Variants in SOX5 observed in about 807,000 individuals in gnomAD.
SOX5 encodes the protein SRY-box transcription factor 5.
In SOX5, 9 loss-of-function variants were observed where a neutral mutation model predicts 92.0. That is an observed-to-expected ratio of 0.10 (90% confidence interval 0.06 to 0.17). SOX5 has a LOEUF of 0.17. Among genes scored for constraint, SOX5 ranks in the 10% least tolerant of loss-of-function variants. The probability of loss-of-function intolerance (pLI) is 1.00; values close to 1 mark genes in which losing one functional copy is unlikely to be tolerated. For synonymous variants in SOX5, 344 were observed against 336.3 expected (o/e 1.02, Z -0.25); for missense variants, 642 against 944.5 (o/e 0.68, Z 4.20).
intron 4 of SOX5, among the ~76,000 whole-genome samples, chr12:24,085,161 C>T (rs1042188382): frequency 5.9e-5 from 9 of 152,130 alleles, no homozygotes; most frequent in African/African-American, 2.2e-4. Flanking sequence ...CTTTCTTTTG[C>T]CTGACCTTGC....
At chr12:24,460,469 A>G (rs921544605) in intron 1 of SOX5, 7 of 152,340 alleles carry the variant, frequency 4.6e-5, no homozygotes, top group Admixed American at 4.6e-4. Flanking sequence ...ACCACTACTA[A>G]ACGACAGAGA....
intron 4 of SOX5, among the ~76,000 whole-genome samples, chr12:23,989,001 AG>A (rs1413760352): frequency 6.6e-6 from 1 of 152,152 alleles, no homozygotes; most frequent in Non-Finnish European, 1.5e-5. Flanking sequence ...GATTGTAGTT[AG>A]AGTCTTGAGT....
intron 4 of SOX5, among the ~76,000 whole-genome samples, chr12:24,030,043 T>C (rs1289819313): frequency 1.3e-5 from 2 of 151,888 alleles, no homozygotes; most frequent in African/African-American, 2.4e-5. Flanking sequence ...CGAAGAGAAA[T>C]TGAAGCACAG....
At chr12:24,043,352 C>G (rs529237323) in intron 4 of SOX5, among the ~76,000 whole-genome samples, 109 of 152,296 alleles carry the variant, frequency 7.2e-4, no homozygotes, top group Non-Finnish European at 1.4e-3. Context: ...AACAAAATAT[C>G]TGAATTCCTG....
intron 6 of SOX5, among the ~76,000 whole-genome samples, chr12:23,725,399 G>A (rs893674598): frequency 6.6e-6 from 1 of 152,116 alleles, no homozygotes; most frequent in Non-Finnish European, 1.5e-5. Flanking sequence ...CTTGTGCAGG[G>A]GAACTCCCCT....
At chr12:24,145,162 A>G (rs1379041975) in intron 4 of SOX5, among the ~76,000 whole-genome samples, 1 of 152,174 alleles carries the variant, frequency 6.6e-6, no homozygotes, top group Non-Finnish European at 1.5e-5. Flanking sequence ...TGTATCGACT[A>G]TAAATCCTAA....
rs759773056 is a variant in SOX5 at position 24,073,316 on chromosome 12, C to T, written c.-2+140027G>A. On this transcript the variant is annotated intron_variant, in intron 4 of 4. Transcript: ENST00000446891. ...TAAACATCTTGTAAAAGAATAACCA[C>T]CAAAACACAAAAAACAAACAAACAT... Among the ~76,000 whole-genome samples, 72 of 152,134 alleles carry T rather than the reference C, an allele frequency of 4.7e-4. 1 individual carries two copies. The highest frequency in any genetic ancestry group is 1.8e-4 in the Non-Finnish European group (12 of 68,012).
chr12:24,325,727 A>G (rs1950614954), intron 2 of SOX5, among the ~76,000 whole-genome samples: 1 of 152,248 alleles, frequency 6.6e-6, no homozygotes, highest in Non-Finnish European at 1.5e-5. Flanking sequence ...GGTTGTTAGA[A>G]TTGAAATAAA....
intron 2 of SOX5, among the ~76,000 whole-genome samples, chr12:23,888,949 TAAACTGTGTGAAATCGG>T (rs2097100319): frequency 6.6e-6 from 1 of 152,196 alleles, no homozygotes; most frequent in Non-Finnish European, 1.5e-5. Context: ...AGTTTATAGA[TAAACTGTGTGAAATCGG>T]GTATGTGTGT....
intron 2 of SOX5, among the ~76,000 whole-genome samples, chr12:24,302,557 ATTTT>A (rs113586904): frequency 6.7e-6 from 1 of 148,232 alleles, no homozygotes; most frequent in African/African-American, 2.5e-5. Flanking sequence ...ATGAGTTTTG[ATTTT>A]TTTTTTTCCC....
chr12:23,936,895 T>G (rs1942689675), intron 1 of SOX5, among the ~76,000 whole-genome samples: 2 of 151,014 alleles, frequency 1.3e-5, no homozygotes, highest in Admixed American at 1.3e-4. Flanking sequence ...TATTTTATAT[T>G]TACAGCACAT....
intron 3 of SOX5, among the ~76,000 whole-genome samples, chr12:24,214,747 G>C (rs1403231517): frequency 6.6e-6 from 1 of 151,940 alleles, no homozygotes; most frequent in Non-Finnish European, 1.5e-5. Context: ...CTGAAATACT[G>C]GTCTAACATA....
At position 24,231,526 on chromosome 12, in the gene SOX5, C is replaced by G. The variant is rs1012678256; in HGVS notation, c.-76-18109G>C. 3.3e-5 allele frequency among the ~76,000 whole-genome samples: 5 copies of G among 152,188 alleles called. No homozygotes were observed. In the South Asian group the frequency reaches 1.0e-3, roughly 32 times the overall value. On this transcript the variant is annotated intron_variant, in intron 3 of 4. Coordinates refer to the SOX5 transcript ENST00000446891. Reference sequence around the variant, plus strand: ...GTTTACCATTGGCTGCTTGTACATTCTAACCAGTATTAAAGATTAACTCCA... The same window carrying G: ...GTTTACCATTGGCTGCTTGTACATTGTAACCAGTATTAAAGATTAACTCCA...
intron 3 of SOX5, among the ~76,000 whole-genome samples, chr12:24,275,051 A>C (rs2140356242): frequency 6.6e-6 from 1 of 151,740 alleles, no homozygotes. Flanking sequence ...TTTGGGAAAA[A>C]GTAACCAAAA....
chr12:23,547,890 A>G (rs1943440854), intron 11 of SOX5, among the ~76,000 whole-genome samples: 1 of 151,996 alleles, frequency 6.6e-6, no homozygotes, highest in Non-Finnish European at 1.5e-5. Context: ...TATGTTTTGG[A>G]TGTCTTTTGC....
At chr12:23,967,910 G>C (rs902658032) in intron 4 of SOX5, among the ~76,000 whole-genome samples, 15 of 152,102 alleles carry the variant, frequency 9.9e-5, no homozygotes, top group Admixed American at 6.6e-5. Context: ...ACAATATCCA[G>C]ACCAAGGATA....
chr12:23,608,115 G>GAAAAAAAAAAA (rs772255622), intron 8 of SOX5, among the ~76,000 whole-genome samples: 2 of 44,064 alleles, frequency 4.5e-5, no homozygotes, highest in African/African-American at 1.6e-4. Context: ...AAAGAAAAAA[G>GAAAAAAAAAAA]AAAAAAAAAA....
intron 2 of SOX5, among the ~76,000 whole-genome samples, chr12:23,877,402 T>TA (rs1230572263): frequency 4.6e-5 from 7 of 152,092 alleles, no homozygotes; most frequent in Admixed American, 3.3e-4. Flanking sequence ...TCTTTGAATT[T>TA]AAAAAAAATT....
chr12:24,338,181 C>G (rs1279269480), intron 2 of SOX5, among the ~76,000 whole-genome samples: 2 of 151,922 alleles, frequency 1.3e-5, no homozygotes, highest in African/African-American at 4.8e-5. Flanking sequence ...ATAAGGCCTG[C>G]ATTTATAAAA....
Sources: allele counts gnomAD v4.1 joint callset (sites outside exome capture counted in the v4.1 genomes callset), GRCh38; gene constraint gnomAD v4.1.1; transcripts MANE v1.5; gene names NCBI Gene and HGNC (gene_info 2026-07-23, HGNC 2026-07-21).